The following AKT3 variants were observed in gnomAD, a reference collection of about 807,000 sequenced individuals.
The protein encoded by AKT3 is AKT serine/threonine kinase 3.
AKT3 carries 15 observed loss-of-function variants against 65.3 expected under a neutral mutation model. The ratio of observed to expected loss-of-function variants is 0.23; its 90% CI spans 0.15 to 0.35. AKT3 has a LOEUF of 0.35. Among genes scored for constraint, AKT3 ranks in the 10% least tolerant of loss-of-function variants. The probability of loss-of-function intolerance (pLI) is 1.00; values close to 1 mark genes in which losing one functional copy is unlikely to be tolerated. For missense variants in AKT3, 243 were observed against 576.5 expected (o/e 0.42, Z 5.92); for synonymous variants, 206 against 183.8 (o/e 1.12, Z -0.98).
At chr1:243,675,570 C>T (rs372898296) in intron 3 of AKT3, among the ~76,000 whole-genome samples, 36 of 152,338 alleles carry the variant, frequency 2.4e-4, no homozygotes, top group African/African-American at 5.3e-4. Context: ...CATTCCTCTC[C>T]TTCGTTTTGC....
chr1:243,535,138 T>C (rs1671805429), intron 12 of AKT3, among the ~76,000 whole-genome samples: 1 of 122,046 alleles, frequency 8.2e-6, no homozygotes, highest in South Asian at 2.3e-4. Flanking sequence ...AAATATAAAA[T>C]TAAAAATTTT....
At chr1:243,644,415 C>T (rs1417021558) in intron 5 of AKT3, among the ~76,000 whole-genome samples, 1 of 152,072 alleles carries the variant, frequency 6.6e-6, no homozygotes, top group Non-Finnish European at 1.5e-5. Context: ...GGGTTAAGTA[C>T]TGGCTCCCAC....
chr1:243,625,935 T>C (rs1679128385), intron 6 of AKT3, among the ~76,000 whole-genome samples: 1 of 152,156 alleles, frequency 6.6e-6, no homozygotes, highest in South Asian at 2.1e-4. Flanking sequence ...TAAAATTTGT[T>C]TACCCTGAAA....
At chr1:243,745,815 G>A (rs1359512922) in intron 2 of AKT3, among the ~76,000 whole-genome samples, 2 of 152,142 alleles carry the variant, frequency 1.3e-5, no homozygotes, top group African/African-American at 4.8e-5. Flanking sequence ...CTGGCACTAG[G>A]AATGGAGGTT....
chr1:243,830,696 T>A (rs1694453571), intron 2 of AKT3, among the ~76,000 whole-genome samples: 1 of 152,160 alleles, frequency 6.6e-6, no homozygotes, highest in South Asian at 2.1e-4. Flanking sequence ...CTTAGAAAGT[T>A]AGGTTTCATG....
downstream of AKT3, among the ~76,000 whole-genome samples, chr1:243,494,749 G>A (rs1391210064): frequency 6.6e-6 from 1 of 152,196 alleles, no homozygotes; most frequent in Non-Finnish European, 1.5e-5. Flanking sequence ...TGCTTCCTGA[G>A]TCAGACATTA....
intron 4 of AKT3, among the ~76,000 whole-genome samples, chr1:243,659,754 A>G (rs1373986138): frequency 6.6e-6 from 1 of 152,192 alleles, no homozygotes; most frequent in African/African-American, 2.4e-5. Flanking sequence ...AGATATACAG[A>G]TTTAGTTTAT....
chr1:243,591,564 G>A (rs1231891036), intron 8 of AKT3, among the ~76,000 whole-genome samples: 3 of 151,962 alleles, frequency 2.0e-5, no homozygotes, highest in East Asian at 3.9e-4. Flanking sequence ...CTATAATCAG[G>A]AGACTAATCA....
intron 10 of AKT3, among the ~76,000 whole-genome samples, chr1:243,559,994 C>T (rs1468741875): frequency 6.6e-6 from 1 of 152,130 alleles, no homozygotes; most frequent in East Asian, 1.9e-4. Flanking sequence ...TAAATCTGAT[C>T]ACAGTATCGC....
At chr1:243,569,883 A>C (rs1674433193) in intron 9 of AKT3, among the ~76,000 whole-genome samples, 1 of 152,236 alleles carries the variant, frequency 6.6e-6, no homozygotes, top group South Asian at 2.1e-4. Flanking sequence ...TAAGCAGAAA[A>C]GAAGATTTTA....
intron 12 of AKT3, among the ~76,000 whole-genome samples, chr1:243,532,904 C>G (rs1671640220): frequency 6.6e-6 from 1 of 152,138 alleles, no homozygotes. Context: ...GGAATGTGTC[C>G]ATTTCATCTA....
intron 8 of AKT3, among the ~76,000 whole-genome samples, chr1:243,611,723 T>C (rs1364221889): frequency 1.3e-5 from 2 of 151,888 alleles, no homozygotes; most frequent in Middle Eastern, 3.4e-3. Context: ...TTCCACAACA[T>C]CCATTTTCTT....
intron 12 of AKT3, among the ~76,000 whole-genome samples, chr1:243,535,143 A>AATTTTAATAT (rs1671807353): frequency 7.1e-6 from 1 of 141,608 alleles, no homozygotes; most frequent in Non-Finnish European, 1.6e-5. Context: ...TAAAATTAAA[A>AATTTTAATAT]ATTTTAAAAT....
At chr1:243,540,746 A>G (rs1372530832) in intron 12 of AKT3, among the ~76,000 whole-genome samples, 3 of 152,134 alleles carry the variant, frequency 2.0e-5, no homozygotes, top group Admixed American at 2.0e-4. Flanking sequence ...TCATCATGCC[A>G]CTTTAGTCTC....
intron 12 of AKT3, among the ~76,000 whole-genome samples, chr1:243,541,481 T>C (rs766445219): frequency 6.6e-6 from 1 of 152,046 alleles, no homozygotes; most frequent in Non-Finnish European, 1.5e-5. Context: ...TTCTCCACGC[T>C]CATCTTTTTT....
chr1:243,836,273 TAA>T (rs1277561751), intron 2 of AKT3, among the ~76,000 whole-genome samples: 2 of 152,162 alleles, frequency 1.3e-5, no homozygotes, highest in Non-Finnish European at 2.9e-5. Context: ...AATTCCAAGA[TAA>T]AGAGTGTCAC....
chr1:243,490,167 T>G (rs1666043848), intron 13 of AKT3, among the ~76,000 whole-genome samples: 1 of 152,242 alleles, frequency 6.6e-6, no homozygotes, highest in Non-Finnish European at 1.5e-5. Context: ...AAGGAACCTG[T>G]AAGTACTGAC....
chr1:243,776,906 C>G (rs929187456), intron 2 of AKT3, among the ~76,000 whole-genome samples: 3 of 152,154 alleles, frequency 2.0e-5, no homozygotes, highest in African/African-American at 7.2e-5. Context: ...AACACATGAA[C>G]TGACAAAGAA....
At chr1:243,686,653 T>TTA (rs1684343726) in intron 3 of AKT3, among the ~76,000 whole-genome samples, 1 of 11,580 alleles carries the variant, frequency 8.6e-5, no homozygotes, top group African/African-American at 3.4e-4. Flanking sequence ...ATATATATAT[T>TTA]TTTTTTTTTT....
Sources: gnomAD v4.1 joint callset for allele counts (sites outside exome capture counted in the v4.1 genomes callset) on GRCh38, gnomAD v4.1.1 for gene constraint, MANE v1.5 for transcripts, NCBI Gene and HGNC (gene_info 2026-07-23, HGNC 2026-07-21) for gene names.